Variants in EPM2A observed in about 807,000 individuals in gnomAD.
EPM2A encodes laforin.
Under a neutral mutation model 26.5 loss-of-function variants are expected in EPM2A, and 21 were observed. The observed-to-expected ratio is 0.79, with a 90% CI of 0.56 to 1.14. EPM2A has a LOEUF of 1.14. Among genes scored for constraint, EPM2A ranks in the 50% most tolerant of loss-of-function variants. EPM2A has a pLI of 0.00. For missense variants in EPM2A, 458 were observed against 440.8 expected, an observed-to-expected ratio of 1.04 and a Z score of -0.35; for synonymous variants, 217 against 177.6, an observed-to-expected ratio of 1.22 and a Z score of -1.76.
intron 2 of EPM2A, among the ~76,000 whole-genome samples, chr6:145,541,741 A>C (rs1431859964): frequency 6.6e-6 from 1 of 152,186 alleles, no homozygotes; most frequent in African/African-American, 2.4e-5. Flanking sequence ...CTCCAGAGGC[A>C]GATATGAGAC....
At chr6:145,593,358 G>A (rs1042782172) in intron 2 of EPM2A, among the ~76,000 whole-genome samples, 3 of 152,064 alleles carry the variant, frequency 2.0e-5, no homozygotes, top group Non-Finnish European at 4.4e-5. Flanking sequence ...CACCTTTTCA[G>A]TAATTGATAA....
intron 4 of EPM2A, among the ~76,000 whole-genome samples, chr6:145,459,229 A>G (rs1023759512): frequency 3.3e-5 from 5 of 152,198 alleles, no homozygotes; most frequent in Non-Finnish European, 2.9e-5. Context: ...GGTGATATCA[A>G]GTATAGGGAG....
chr6:145,466,158 A>C (rs1180610282), intron 4 of EPM2A, among the ~76,000 whole-genome samples: 4 of 126,202 alleles, frequency 3.2e-5, no homozygotes, highest in African/African-American at 1.3e-4. Context: ...TAAACTCAAG[A>C]GCTTCTGCAT....
At chr6:145,690,330 G>A (rs1781195172) in intron 1 of EPM2A, among the ~76,000 whole-genome samples, 1 of 151,804 alleles carries the variant, frequency 6.6e-6, no homozygotes, top group Non-Finnish European at 1.5e-5. Flanking sequence ...CTAACAAGGT[G>A]AAACCCCGTC....
chr6:145,560,711 A>C (rs1780792272), intron 2 of EPM2A, among the ~76,000 whole-genome samples: 1 of 152,172 alleles, frequency 6.6e-6, no homozygotes, highest in Non-Finnish European at 1.5e-5. Context: ...TAATTTGAGT[A>C]CTATGAGTAT....
At chr6:145,444,928 AT>A (rs61536586) in intron 4 of EPM2A, among the ~76,000 whole-genome samples, 10 of 150,856 alleles carry the variant, frequency 6.6e-5, no homozygotes, top group Middle Eastern at 3.4e-3. Context: ...GAAAATTTAG[AT>A]TTTTTTTTTC....
intron 4 of EPM2A, among the ~76,000 whole-genome samples, chr6:145,400,883 C>T (rs148471614): frequency 8.5e-5 from 13 of 152,064 alleles, no homozygotes; most frequent in Non-Finnish European, 1.5e-4. Flanking sequence ...GGTTGTTACA[C>T]CCCCATCTTT....
chr6:145,589,699 G>A (rs1401796984), intron 2 of EPM2A, among the ~76,000 whole-genome samples: 1 of 152,120 alleles, frequency 6.6e-6, no homozygotes, highest in South Asian at 2.1e-4. Flanking sequence ...GGAAGATGGC[G>A]AGGACCTCAA....
chr6:145,607,347 G>T (rs942572816), intron 2 of EPM2A, among the ~76,000 whole-genome samples: 1 of 152,152 alleles, frequency 6.6e-6, no homozygotes, highest in African/African-American at 2.4e-5. Flanking sequence ...ATGAATCAAA[G>T]AATAGAAACC....
rs9485004 is a variant in EPM2A, at chr6:145,568,614, C to A, written c.341-66039G>T. Among the ~76,000 whole-genome samples, 1,302 of 152,234 alleles carry A rather than the reference C, an allele frequency of 8.6e-3. 20 individuals are homozygous for A. Among genetic ancestry groups the A allele is most frequent in the African/African-American group, 0.03 (1,247 of 41,536 alleles). On this transcript the variant is annotated intron_variant, in intron 2 of 3. Transcript: ENST00000450221. ...CTAGGATTACAGGCATGAGCCACTGCGCCCGGCCTGGAATATGTGACTTCT... is the reference window on the plus strand; with the variant it reads ...CTAGGATTACAGGCATGAGCCACTGAGCCCGGCCTGGAATATGTGACTTCT...
intron 2 of EPM2A, among the ~76,000 whole-genome samples, chr6:145,551,858 A>G (rs1010358663): frequency 3.4e-5 from 5 of 149,018 alleles, no homozygotes. Flanking sequence ...TTATGTACTT[A>G]AACTTTTTTT....
chr6:145,399,331 C>A (rs1015171647), intron 4 of EPM2A, among the ~76,000 whole-genome samples: 2 of 152,224 alleles, frequency 1.3e-5, no homozygotes, highest in African/African-American at 4.8e-5. Context: ...GTGGGCACAC[C>A]ACTGCCTCAA....
intron 2 of EPM2A, among the ~76,000 whole-genome samples, chr6:145,643,833 A>G (rs945806254): frequency 7.6e-6 from 1 of 132,430 alleles, no homozygotes; most frequent in South Asian, 2.6e-4. Flanking sequence ...CAACAACATT[A>G]TAATTTTCTG....
At chr6:145,415,085 A>C (rs1778690433) in intron 4 of EPM2A, among the ~76,000 whole-genome samples, 1 of 152,156 alleles carries the variant, frequency 6.6e-6, no homozygotes, top group Non-Finnish European at 1.5e-5. Flanking sequence ...CTTTAGTCAT[A>C]ATCACCAAGT....
chr6:145,405,611 T>C (rs1051225426), intron 4 of EPM2A, among the ~76,000 whole-genome samples: 1 of 152,140 alleles, frequency 6.6e-6, no homozygotes, highest in Non-Finnish European at 1.5e-5. Context: ...AGCAGAAATA[T>C]GCAAAATCAT....
chr6:145,627,192 G>C lies in EPM2A; in HGVS notation c.*224C>G. 7.0e-7 allele frequency: 1 copy of C among 1,427,744 alleles called. No homozygotes were observed. Among genetic ancestry groups the C allele is most frequent in the Non-Finnish European group, 9.1e-7 (1 of 1,095,778 alleles). The allele number at this position is 1,427,744 out of a possible 1,614,324, so 88.4% of individuals were successfully genotyped here. A position where few individuals can be genotyped will look rare whatever the true frequency, so the allele number is the denominator to read the frequency against. Reference sequence around the variant, plus strand: ...GTCTGATGTACAGCCTAACTGCTTCGTGCTTCTTCTCATGTGTTGAGCCAC... The same window carrying C: ...GTCTGATGTACAGCCTAACTGCTTCCTGCTTCTTCTCATGTGTTGAGCCAC... On this transcript the variant is annotated 3_prime_UTR_variant, in exon 4 of 4. Coordinates refer to ENST00000367519, the MANE Select transcript of EPM2A (RefSeq NM_005670.4).
chr6:145,717,020 C>G (rs1775667096), intron 1 of EPM2A, among the ~76,000 whole-genome samples: 1 of 152,146 alleles, frequency 6.6e-6, no homozygotes, highest in South Asian at 2.1e-4. Flanking sequence ...AATTCCCACC[C>G]AGAAGAACTT....
At chr6:145,414,914 T>TA (rs1382587415) in intron 4 of EPM2A, among the ~76,000 whole-genome samples, 5 of 152,222 alleles carry the variant, frequency 3.3e-5, no homozygotes, top group Non-Finnish European at 5.9e-5. Flanking sequence ...TTCTACTTTC[T>TA]AAAAAAGGTT....
At chr6:145,499,600 A>G (rs1043207827), downstream of EPM2A, among the ~76,000 whole-genome samples, 2 of 152,244 alleles carry the variant, frequency 1.3e-5, no homozygotes, top group African/African-American at 2.4e-5. Context: ...TGTCTGGCAC[A>G]TAGTAAATAC....
Sources: allele counts gnomAD v4.1 joint callset (sites outside exome capture counted in the v4.1 genomes callset), GRCh38; gene constraint gnomAD v4.1.1; transcripts MANE v1.5; gene names NCBI Gene and HGNC (gene_info 2026-07-23, HGNC 2026-07-21).